The following PLGRKT variants were observed in gnomAD, a reference collection of about 807,000 sequenced individuals.
PLGRKT encodes the protein plasminogen receptor with a C-terminal lysine, also known as plasminogen receptor (KT).
A neutral mutation model predicts 18.5 loss-of-function variants in PLGRKT; 22 were observed. The ratio of observed to expected loss-of-function variants is 1.19; its 90% CI spans 0.85 to 1.70. PLGRKT has a LOEUF of 1.70. Among genes scored for constraint, PLGRKT ranks in the 40% most tolerant of loss-of-function variants. PLGRKT has a pLI of 0.00. For synonymous variants in PLGRKT, 72 were observed against 52.8 expected (o/e 1.36, Z -1.58); for missense variants, 235 against 174.4 (o/e 1.35, Z -1.96).
intron 3 of PLGRKT, among the ~76,000 whole-genome samples, chr9:5,420,639 C>T (rs184711694): frequency 6.6e-6 from 1 of 152,138 alleles, no homozygotes; most frequent in East Asian, 1.9e-4. Flanking sequence ...AGGTTAAGTC[C>T]GCTCATACTT....
chr9:5,358,352 C>T lies in PLGRKT; in HGVS notation c.331G>A (p.Glu111Lys). 6.2e-7 allele frequency: 1 copy of T among 1,612,848 alleles called. No homozygotes were observed. Among genetic ancestry groups the T allele is most frequent in the Non-Finnish European group, 8.5e-7 (1 of 1,179,298 alleles). The change falls in exon 6 of 6, where the codon GAG becomes AAG. Residue 111 changes from glutamate (E) to lysine (K), a missense_variant. Physicochemically the swap from Glu to Lys is moderately conservative, Grantham distance 56 (BLOSUM62 1). Transcript: ENST00000223864. ...CTCTTTTCTGTTTCCAGTATGTCCTCAGCTTCACCTTAAATAAAGTACAGA... is the reference window on the plus strand; with the variant it reads ...CTCTTTTCTGTTTCCAGTATGTCCTTAGCTTCACCTTAAATAAAGTACAGA... ...TLLERMKGEAEDILETEKSKL... is the reference protein window; with the variant it reads ...TLLERMKGEAKDILETEKSKL...
intron 3 of PLGRKT, among the ~76,000 whole-genome samples, chr9:5,401,663 T>C (rs1469473674): frequency 1.3e-5 from 2 of 151,934 alleles, no homozygotes; most frequent in Non-Finnish European, 2.9e-5. Context: ...TTTCGTTTGA[T>C]GTAAATTTGT....
intron 3 of PLGRKT, among the ~76,000 whole-genome samples, chr9:5,380,896 T>C (rs551390030): frequency 9.9e-5 from 15 of 152,254 alleles, no homozygotes; most frequent in Admixed American, 8.5e-4. Context: ...TAGGAGGTGA[T>C]TGGATCATGG....
rs374671301 is a variant in PLGRKT, at chr9:5,361,827, G to A, written c.143C>T (p.Ala48Val). The change falls in exon 4 of 6, where the codon GCG becomes GTG. Residue 48 changes from alanine (A) to valine (V), a missense_variant. By Grantham distance (64) the Ala-to-Val change is moderately conservative (BLOSUM62 0). Transcript: ENST00000223864. ...ATATTTGAGGAATTCCCGAGACCAC[G>A]CAATCTGCATGGCCATTTGTCTTTC... is the stretch of plus-strand genomic sequence containing the variant. ...MRERQMAMQI[A>V]WSREFLKYFG... The A allele has an allele frequency of 6.0e-5, 96 of 1,612,366 alleles. No individual in the cohort carries two copies. The highest frequency in any genetic ancestry group is 3.3e-4 in the Middle Eastern group (2 of 6,078).
chr9:5,425,118 T>C (rs893327482), intron 3 of PLGRKT, among the ~76,000 whole-genome samples: 1 of 152,190 alleles, frequency 6.6e-6, no homozygotes, highest in African/African-American at 2.4e-5. Flanking sequence ...AAAAGTGCTT[T>C]GCCTACATAG....
At chr9:5,395,024 T>A (rs1818018668) in intron 3 of PLGRKT, among the ~76,000 whole-genome samples, 2 of 151,740 alleles carry the variant, frequency 1.3e-5, no homozygotes, top group Admixed American at 1.3e-4. Flanking sequence ...TTGTTTTACA[T>A]TTTATTAGAA....
intron 2 of PLGRKT, among the ~76,000 whole-genome samples, chr9:5,434,807 C>T (rs975850231): frequency 2.0e-5 from 3 of 152,100 alleles, no homozygotes; most frequent in African/African-American, 7.2e-5. Flanking sequence ...GAAGTGTACC[C>T]AACAGCTCCG....
intron 3 of PLGRKT, among the ~76,000 whole-genome samples, chr9:5,395,982 C>A (rs1818039052): frequency 6.6e-6 from 1 of 151,106 alleles, no homozygotes; most frequent in Admixed American, 6.6e-5. Context: ...CAACCTCCAC[C>A]TCCCGAGTTC....
intron 3 of PLGRKT, among the ~76,000 whole-genome samples, chr9:5,407,988 C>G (rs1431018254): frequency 6.6e-6 from 1 of 152,154 alleles, no homozygotes; most frequent in Admixed American, 6.5e-5. Context: ...ATATAGACAA[C>G]TCTATTGTAA....
intron 3 of PLGRKT, among the ~76,000 whole-genome samples, chr9:5,417,105 T>G (rs1818476670): frequency 1.3e-5 from 2 of 152,188 alleles, no homozygotes; most frequent in East Asian, 3.8e-4. Context: ...TCATTCCAGC[T>G]TTGAAAGAGA....
At chr9:5,430,862 T>C (rs1020760050) in intron 3 of PLGRKT, among the ~76,000 whole-genome samples, 5 of 152,246 alleles carry the variant, frequency 3.3e-5, no homozygotes, top group African/African-American at 1.2e-4. Context: ...CATTTTAAAA[T>C]GTTTTTTACA....
rs114000815 is a variant in PLGRKT, at chr9:5,392,805, C to T, written c.82-30917G>A. On this transcript the variant is annotated intron_variant, in intron 3 of 5. Transcript: ENST00000223864. ...TGGCATGCCCCTTTATTTAAATTTC[C>T]GGATTGATTTTTATTTATTTACTTT... is the stretch of plus-strand genomic sequence containing the variant. Among the ~76,000 whole-genome samples the T allele has an allele frequency of 4.5e-3, 681 of 151,262 alleles. 17 individuals carry two copies. The highest frequency in any genetic ancestry group is 0.016 in the African/African-American group (661 of 41,012).
intron 3 of PLGRKT, among the ~76,000 whole-genome samples, chr9:5,374,220 T>C (rs944502682): frequency 1.3e-5 from 2 of 152,234 alleles, no homozygotes; most frequent in Non-Finnish European, 2.9e-5. Context: ...CCAAGTCTCC[T>C]ATCTGCAGCC....
chr9:5,436,196 C>G (rs951233345), intron 2 of PLGRKT, among the ~76,000 whole-genome samples: 1 of 152,202 alleles, frequency 6.6e-6, no homozygotes. Flanking sequence ...TCTCTAACAG[C>G]AGACCAGAAC....
At chr9:5,366,396 T>C (rs1315250107) in intron 3 of PLGRKT, among the ~76,000 whole-genome samples, 2 of 152,168 alleles carry the variant, frequency 1.3e-5, no homozygotes, top group East Asian at 3.8e-4. Context: ...AGACCTTTTA[T>C]AATAATAATT....
intron 3 of PLGRKT, among the ~76,000 whole-genome samples, chr9:5,414,052 T>C (rs886973532): frequency 6.6e-6 from 1 of 152,196 alleles, no homozygotes; most frequent in African/African-American, 2.4e-5. Context: ...CAAAGATTTA[T>C]CTTGGTTAAG....
chr9:5,395,897 T>G (rs1246707979), intron 3 of PLGRKT, among the ~76,000 whole-genome samples: 3 of 150,438 alleles, frequency 2.0e-5, no homozygotes, highest in African/African-American at 4.9e-5. Flanking sequence ...AGTTTTTTTT[T>G]TTTTTTTTTT....
chr9:5,369,954 G>C (rs1586703688), intron 3 of PLGRKT, among the ~76,000 whole-genome samples: 1 of 143,112 alleles, frequency 7.0e-6, no homozygotes, highest in East Asian at 1.9e-4. Flanking sequence ...AGGGGGACTA[G>C]GGGAGGGATA....
intron 5 of PLGRKT, among the ~76,000 whole-genome samples, chr9:5,359,039 T>A (rs1002447437): frequency 6.6e-6 from 1 of 150,820 alleles, no homozygotes; most frequent in Non-Finnish European, 1.5e-5. Flanking sequence ...TTTCTGTGAG[T>A]ACTCCTCTTT....
Sources: gnomAD v4.1 joint callset for allele counts (sites outside exome capture counted in the v4.1 genomes callset) on GRCh38, gnomAD v4.1.1 for gene constraint, MANE v1.5 for transcripts, NCBI Gene and HGNC (gene_info 2026-07-23, HGNC 2026-07-21) for gene names.